ANO1: variants seen among roughly 807,000 people sequenced by gnomAD.
The protein encoded by ANO1 is anoctamin-1.
ANO1 carries 59 observed loss-of-function variants against 124.0 expected under a neutral mutation model. The observed-to-expected ratio is 0.48, with a 90% CI of 0.39 to 0.59. The LOEUF (loss-of-function observed/expected upper bound fraction) is 0.59, where lower values mean the gene tolerates loss of function less well. Among genes scored for constraint, ANO1 ranks in the 20% least tolerant of loss-of-function variants. ANO1 has a pLI of 0.00. For missense variants in ANO1, 1,059 were observed against 1,328.0 expected, an observed-to-expected ratio of 0.80 and a Z score of 3.15; for synonymous variants, 529 against 532.0, an observed-to-expected ratio of 0.99 and a Z score of 0.08.
chr11:70,095,346 A>AAAAG lies in ANO1; in HGVS notation c.441+7342_441+7345dup, dbSNP rs540551294. Among the ~76,000 whole-genome samples the AAAAG allele has an allele frequency of 8.0e-4, 84 of 104,606 alleles. 18 individuals carry two copies. Among genetic ancestry groups the AAAAG allele is most frequent in the Admixed American group, 1.1e-3 (10 of 9,104 alleles). 68.6% of individuals were successfully genotyped at this position (104,606 alleles called of 152,430 possible). A position where few individuals can be genotyped will look rare whatever the true frequency, so the allele number is the denominator to read the frequency against. On this transcript the variant is annotated intron_variant, in intron 2 of 25. Transcript: ENST00000355303. Reference sequence around the variant, plus strand: ...GAAAGAAAGAAAGGAAAGAGAAAGAAAAAGAAAGAAAGAAAGAAAGAAAGA... The same window carrying AAAAG: ...GAAAGAAAGAAAGGAAAGAGAAAGAAAAAGAAAGAAAGAAAGAAAGAAAGAAAGA...
At chr11:70,157,294 G>A (rs1382520447) in intron 16 of ANO1, among the ~76,000 whole-genome samples, 2 of 151,342 alleles carry the variant, frequency 1.3e-5, no homozygotes, top group African/African-American at 4.9e-5. Flanking sequence ...TTGAACCCGG[G>A]AGGCAGAGGT....
intron 24 of ANO1, among the ~76,000 whole-genome samples, chr11:70,184,828 C>T (rs535816177): frequency 6.6e-6 from 1 of 152,228 alleles, no homozygotes; most frequent in South Asian, 2.1e-4. Flanking sequence ...CTCACTGCAA[C>T]CTCAACCTCC....
chr11:69,992,216 A>ATG (rs1856168766), intron 1 of ANO1, among the ~76,000 whole-genome samples: 2 of 147,054 alleles, frequency 1.4e-5, no homozygotes, highest in African/African-American at 5.0e-5. Flanking sequence ...ACGAATGGAT[A>ATG]GATGGATGGA....
chr11:70,061,567 C>T (rs1857578908), intron 1 of ANO1, among the ~76,000 whole-genome samples: 1 of 151,326 alleles, frequency 6.6e-6, no homozygotes, highest in South Asian at 2.1e-4. Flanking sequence ...CTGAAGCTCC[C>T]TTCTCTTAGC....
chr11:70,121,900 CTCTG>C (rs1423629719), intron 8 of ANO1, among the ~76,000 whole-genome samples: 3 of 103,846 alleles, frequency 2.9e-5, no homozygotes, highest in African/African-American at 1.1e-4. Context: ...TCCCCCGCCT[CTCTG>C]TCTGTCTCTC....
Position 70,067,388 on chromosome 11 carries a change from C to T in ANO1, c.59-11154C>T, listed in dbSNP as rs568377916. The stretch of plus-strand genomic sequence containing the variant: ...TGGTGCCCAGGCTGGAGTGCAGTGG[C>T]GCAATCTCCGCTCACTGCAACCTCC... On this transcript the variant is annotated intron_variant, in intron 1 of 27. Coordinates refer to the ANO1 transcript ENST00000531349. 1.8e-4 allele frequency among the ~76,000 whole-genome samples: 26 copies of T among 144,678 alleles called. No homozygotes were observed. The East Asian group carries it at 4.7e-3, about 26-fold the overall frequency. The allele number at this position is 144,678 out of a possible 152,430, so 94.9% of individuals were successfully genotyped here.
chr11:70,067,526 C>T (rs1857761199), intron 1 of ANO1, among the ~76,000 whole-genome samples: 1 of 152,138 alleles, frequency 6.6e-6, no homozygotes, highest in Non-Finnish European at 1.5e-5. Context: ...TGGGGTTTCA[C>T]CATGTTGGCC....
chr11:69,967,852 G>A, the ANO1 span, among the ~76,000 whole-genome samples: 4 of 152,218 alleles, frequency 2.6e-5, no homozygotes, highest in Non-Finnish European at 5.9e-5. Context: ...GGCCTGCCCT[G>A]TTCTACCTGT....
chr11:70,166,035 G>T (rs1590902465), intron 20 of ANO1, among the ~76,000 whole-genome samples: 1 of 151,492 alleles, frequency 6.6e-6, no homozygotes, highest in Non-Finnish European at 1.5e-5. Context: ...ATAAAAACAG[G>T]GCCGCGCACA....
chr11:70,117,566 T>G (rs998080517), intron 8 of ANO1, among the ~76,000 whole-genome samples: 1 of 152,136 alleles, frequency 6.6e-6, no homozygotes, highest in Admixed American at 6.5e-5. Context: ...TCCTCTCCCA[T>G]GGGCCCACAC....
intron 2 of ANO1, among the ~76,000 whole-genome samples, chr11:70,100,679 G>C (rs1333442005): frequency 2.0e-5 from 3 of 152,218 alleles, no homozygotes; most frequent in Admixed American, 2.0e-4. Context: ...ACGCCTCAGG[G>C]CCTCAGTTTC....
chr11:70,085,443 G>A, intron 1 of ANO1: 1 of 1,534,608 alleles, frequency 6.5e-7, no homozygotes, highest in East Asian at 2.4e-5. Context: ...CCTCCTGAAG[G>A]TCACCAGCAC....
At chr11:70,154,249 TC>T (rs1463862758) in intron 14 of ANO1, among the ~76,000 whole-genome samples, 3 of 151,954 alleles carry the variant, frequency 2.0e-5, no homozygotes, top group Non-Finnish European at 4.4e-5. Context: ...TGGGGACTGA[TC>T]AGGACAAACC....
At chr11:70,156,076 T>G (rs1261802080) in intron 15 of ANO1, 88 bp downstream of exon 15, 1 of 1,216,154 alleles carries the variant, frequency 8.2e-7, no homozygotes, top group African/African-American at 2.2e-5. Context: ...AACTGTTGTA[T>G]ATATTTTTTT....
chr11:70,053,914 G>T (rs1328833968), intron 1 of ANO1, among the ~76,000 whole-genome samples: 1 of 152,188 alleles, frequency 6.6e-6, no homozygotes, highest in African/African-American at 2.4e-5. Context: ...TTGGGAAGTG[G>T]TGCTTTTCTG....
chr11:70,105,765 G>C lies in ANO1; in HGVS notation c.724G>C (p.Asp242His). 1.9e-6 allele frequency: 3 copies of C among 1,613,442 alleles called. No individual in the cohort carries two copies. The highest frequency in any genetic ancestry group is 2.5e-6 in the Non-Finnish European group (3 of 1,179,716). Residue 242 changes from aspartate (D) to histidine (H), a missense_variant, in exon 5 of 26, where the codon GAC becomes CAC. Physicochemically the swap from Asp to His is moderately conservative, Grantham distance 81. Around this residue, in one of 2 missense-constraint regions of ANO1, gnomAD observed 809 missense variants for 1,094.9 expected, o/e 0.74. Transcript: ENST00000355303. ...FDLSDKDSFF[D>H]SKTRSTIVYE... ...CTTGTCTGATAAGGATTCCTTTTTC[G>C]ACAGCAAAACCCGGAGCACGATTGT...
intron 20 of ANO1, among the ~76,000 whole-genome samples, chr11:70,165,931 G>A (rs898989854): frequency 6.6e-6 from 1 of 151,438 alleles, no homozygotes; most frequent in East Asian, 2.0e-4. Context: ...GAGGCGGGAG[G>A]ATCGCTGGAG....
intron 7 of ANO1, among the ~76,000 whole-genome samples, chr11:70,114,516 C>T (rs1283102469): frequency 6.6e-6 from 1 of 152,204 alleles, no homozygotes; most frequent in Non-Finnish European, 1.5e-5. Context: ...TACATTTTTG[C>T]TTCCATCTTC....
At chr11:70,127,132 G>C in intron 10 of ANO1, among the ~76,000 whole-genome samples, 1 of 148,832 alleles carries the variant, frequency 6.7e-6, no homozygotes, top group South Asian at 2.2e-4. Context: ...CCCAGGAGGT[G>C]AGACGTGAAC....
Sources: allele counts gnomAD v4.1 joint callset (sites outside exome capture counted in the v4.1 genomes callset), GRCh38; gene constraint gnomAD v4.1.1; regional missense constraint gnomAD v4.1.1; transcripts MANE v1.5; gene names NCBI Gene and HGNC (gene_info 2026-07-23, HGNC 2026-07-21).